The following PHIP variants were observed in gnomAD, a reference collection of about 807,000 sequenced individuals.
PHIP encodes the protein PH-interacting protein.
In PHIP, 54 loss-of-function variants were observed where a neutral mutation model predicts 236.8. The ratio of observed to expected loss-of-function variants is 0.23; its 90% confidence interval spans 0.18 to 0.29. The LOEUF (loss-of-function observed/expected upper bound fraction) is 0.29, where lower values mean the gene tolerates loss of function less well. PHIP is among the 10% of genes least tolerant of loss of function. The pLI, the probability that PHIP is intolerant of heterozygous loss-of-function variation, is 1.00. For missense variants in PHIP, 1,370 were observed against 2,190.8 expected (o/e 0.63, Z 7.48); for synonymous variants, 756 against 718.9 (o/e 1.05, Z -0.83).
chr6:79,049,213 C>A (rs536029120), intron 6 of PHIP, among the ~76,000 whole-genome samples: 14 of 152,056 alleles, frequency 9.2e-5, no homozygotes, highest in African/African-American at 3.4e-4. Flanking sequence ...CAGGTGTGCA[C>A]CACCATGCCT....
At chr6:79,077,581 C>T in intron 3 of PHIP, 74 bp from the exon 4 acceptor site, 1 of 966,150 alleles carries the variant, frequency 1.0e-6, no homozygotes, top group Non-Finnish European at 1.3e-6. Context: ...GCCCGCCCCG[C>T]GCCCCGGCGG....
At chr6:78,988,609 AT>A (rs1769016539) in intron 20 of PHIP, among the ~76,000 whole-genome samples, 1 of 152,190 alleles carries the variant, frequency 6.6e-6, no homozygotes, top group Admixed American at 6.5e-5. Flanking sequence ...ATTTGTTCAT[AT>A]TTAAGATATC....
intron 7 of PHIP, among the ~76,000 whole-genome samples, chr6:79,033,121 G>T (rs898016004): frequency 2.0e-5 from 3 of 151,806 alleles, no homozygotes; most frequent in Non-Finnish European, 4.4e-5. Flanking sequence ...AGTAAACCAC[G>T]CTATAAAAAG....
In PHIP at chr6:79,078,089, C is replaced by T; in HGVS notation, c.-21G>A. The T allele has an allele frequency of 6.2e-7, 1 of 1,606,356 alleles. No individual in the cohort carries two copies. Among genetic ancestry groups the T allele is most frequent in the Non-Finnish European group, 8.5e-7 (1 of 1,178,094 alleles). On this transcript the variant is annotated 5_prime_UTR_variant, in exon 1 of 40. Coordinates refer to ENST00000275034, the MANE Select transcript of PHIP (RefSeq NM_017934.7). ...GACATGTTTATGGGTCACTTCAGGG[C>T]CGCCGACGGGACACCCCGCCGCCGA...
chr6:78,941,496 CTTAT>C (rs1773498443), intron 39 of PHIP, among the ~76,000 whole-genome samples, 166 bp from the exon 40 acceptor site: 1 of 152,006 alleles, frequency 6.6e-6, no homozygotes, highest in African/African-American at 2.4e-5. Context: ...GTTCAATGAT[CTTAT>C]TTATTTTCTA....
intron 4 of PHIP, among the ~76,000 whole-genome samples, chr6:79,075,006 G>A (rs1774077658): frequency 6.6e-6 from 1 of 152,086 alleles, no homozygotes; most frequent in Non-Finnish European, 1.5e-5. Context: ...TCCAGGTAGA[G>A]TAGAAACTAA....
intron 32 of PHIP, chr6:78,956,829 T>C (rs1320622598): frequency 6.6e-6 from 1 of 151,768 alleles, no homozygotes; most frequent in East Asian, 1.9e-4. Flanking sequence ...TCTAAACTTT[T>C]ATACAATTCT....
intron 22 of PHIP, 119 bp from the exon 23 acceptor site, chr6:78,983,236 A>C (rs1768656788): frequency 2.1e-6 from 1 of 482,424 alleles, no homozygotes; most frequent in African/African-American, 2.0e-5. Context: ...CTTAAACTAC[A>C]AAAAAACTTC....
chr6:78,955,243 G>T lies in PHIP; in HGVS notation c.3892C>A (p.Arg1298=). The part of the protein sequence containing the change: ...KDADVPGTST[R]KRKDHQPRRR... ...TAAAACTATATTACCTTCCTTTTTC[G>T]AGTAGAAGTTCCTGGCACATCAGCA... Residue 1298 remains arginine, a synonymous_variant, in exon 34 of 40, where the codon CGA becomes AGA. Coordinates refer to ENST00000275034, the MANE Select transcript of PHIP (RefSeq NM_017934.7). 1 of 1,605,088 alleles carries T rather than the reference G, an allele frequency of 6.2e-7. No individual in the cohort carries two copies. The highest frequency in any genetic ancestry group is 8.5e-7 in the Non-Finnish European group (1 of 1,174,132).
At chr6:79,056,657 C>T (rs6454095) in intron 6 of PHIP, among the ~76,000 whole-genome samples, 140,158 of 152,054 alleles carry the variant, frequency 0.92, 64,725 homozygotes, top group East Asian at 1. Flanking sequence ...CAACAATGCA[C>T]AGGAAAGCTG....
chr6:78,987,173 T>G (rs892922132), intron 21 of PHIP, among the ~76,000 whole-genome samples: 7 of 152,102 alleles, frequency 4.6e-5, no homozygotes. Context: ...TTTCTGGAAA[T>G]ACAGTTCTTA....
At chr6:78,942,883 T>C (rs28606484) in intron 39 of PHIP, among the ~76,000 whole-genome samples, 1 of 152,136 alleles carries the variant, frequency 6.6e-6, no homozygotes, top group Non-Finnish European at 1.5e-5. Flanking sequence ...TATAAAGCAA[T>C]ATATAATGTA....
At chr6:79,064,515 A>G (rs528576346) in intron 4 of PHIP, among the ~76,000 whole-genome samples, 1 of 152,316 alleles carries the variant, frequency 6.6e-6, no homozygotes, top group African/African-American at 2.4e-5. Flanking sequence ...TCAAAAGTTC[A>G]CCTTCAATTA....
intron 15 of PHIP, among the ~76,000 whole-genome samples, chr6:79,012,830 A>G (rs1770658198): frequency 1.3e-5 from 2 of 151,884 alleles, no homozygotes; most frequent in African/African-American, 4.8e-5. Flanking sequence ...AAAAGAGTGA[A>G]GAGCAAAAAG....
chr6:78,969,764 A>G (rs1057243043), intron 27 of PHIP, 71 bp downstream of exon 27: 57 of 685,992 alleles, frequency 8.3e-5, no homozygotes, highest in East Asian at 2.7e-5. Flanking sequence ...TCAATTATGA[A>G]AAATAGTAAA....
At chr6:79,032,363 A>T (rs747395765) in intron 7 of PHIP, among the ~76,000 whole-genome samples, 3 of 152,204 alleles carry the variant, frequency 2.0e-5, no homozygotes, top group Non-Finnish European at 2.9e-5. Context: ...GCTATCTGAC[A>T]GCATTTTACC....
At chr6:79,039,153 C>T (rs1582267260) in intron 7 of PHIP, among the ~76,000 whole-genome samples, 1 of 152,140 alleles carries the variant, frequency 6.6e-6, no homozygotes, top group Non-Finnish European at 1.5e-5. Context: ...TCTCCTCACT[C>T]TTCTAACCAC....
At chr6:78,966,111 G>T in intron 27 of PHIP, 55 bp from the exon 28 acceptor site, 1 of 1,088,770 alleles carries the variant, frequency 9.2e-7, no homozygotes, top group Non-Finnish European at 1.4e-6. Context: ...TGCTGTCACT[G>T]CTTTTTCCTA....
chr6:78,963,497 C>CT (rs1449399144), intron 29 of PHIP, among the ~76,000 whole-genome samples: 3 of 152,090 alleles, frequency 2.0e-5, no homozygotes, highest in Non-Finnish European at 4.4e-5. Context: ...AAAATCTGCT[C>CT]TGTAATCAAG....
Sources: gnomAD v4.1 joint callset for allele counts (sites outside exome capture counted in the v4.1 genomes callset) on GRCh38, gnomAD v4.1.1 for gene constraint, MANE v1.5 for transcripts, NCBI Gene and HGNC (gene_info 2026-07-23, HGNC 2026-07-21) for gene names.